The following PGBD2 variants were observed in gnomAD, a reference collection of about 807,000 sequenced individuals.
PGBD2 encodes piggyBac transposable element derived 2.
PGBD2 carries 6 observed loss-of-function variants against 8.1 expected under a neutral mutation model. The observed-to-expected ratio is 0.74, with a 90% CI of 0.40 to 1.46. The LOEUF (loss-of-function observed/expected upper bound fraction) is 1.46. Ranked by LOEUF, PGBD2 falls within the 40% of genes most tolerant of loss-of-function variation. PGBD2 has a pLI of 0.02. For missense variants in PGBD2, 802 were observed against 739.0 expected (o/e 1.09, Z -0.99); for synonymous variants, 318 against 272.2 (o/e 1.17, Z -1.66).
Position 248,917,231 on chromosome 1 carries a change from T to C in PGBD2, c.647T>C (p.Ile216Thr). The C allele has an allele frequency of 6.2e-7, 1 of 1,614,096 alleles. No homozygotes were observed. Among genetic ancestry groups the C allele is most frequent in the Non-Finnish European group, 8.5e-7 (1 of 1,180,006 alleles). Residue 216 changes from isoleucine to threonine, a missense_variant, in exon 3 of 3, where the codon ATT becomes ACT. By Grantham distance (89) the Ile-to-Thr change is moderately conservative. Transcript: ENST00000329291. ...CATCATCATCTTGTGGCTGATGCAATTAGAAGGGACAGATTTGAACTAATC... is the reference window on the plus strand; with the variant it reads ...CATCATCATCTTGTGGCTGATGCAACTAGAAGGGACAGATTTGAACTAATC... ...DSHHHLVADA[I>T]RRDRFELIFS...
chr1:248,907,187 TATGTC>T (rs1661680580), intron 1 of PGBD2, among the ~76,000 whole-genome samples: 1 of 152,302 alleles, frequency 6.6e-6, no homozygotes, highest in East Asian at 1.9e-4. Flanking sequence ...CAAAAGAATT[TATGTC>T]ATAAGTTCAA....
At chr1:248,888,901 T>C in the PGBD2 span, among the ~76,000 whole-genome samples, 2 of 152,206 alleles carry the variant, frequency 1.3e-5, no homozygotes, top group Admixed American at 1.3e-4. Context: ...TAATTCATCT[T>C]ATTTTTTGTA....
upstream of PGBD2, among the ~76,000 whole-genome samples, chr1:248,901,766 T>G (rs147378629): frequency 2.8e-3 from 419 of 152,228 alleles, 4 homozygotes; most frequent in Middle Eastern, 6.8e-3. Context: ...AAAAAGCTTC[T>G]GCACAGCAAA....
At chr1:248,927,865 A>T in the PGBD2 span, among the ~76,000 whole-genome samples, 1 of 152,212 alleles carries the variant, frequency 6.6e-6, no homozygotes, top group Non-Finnish European at 1.5e-5. Context: ...ATAGATAAAG[A>T]AAATACATAG....
chr1:248,896,587 T>C, the PGBD2 span, among the ~76,000 whole-genome samples: 1 of 152,110 alleles, frequency 6.6e-6, no homozygotes, highest in East Asian at 1.9e-4. Context: ...AGCACACCTA[T>C]AGCTCCAGCT....
At chr1:248,908,983 C>T (rs1661766044) in intron 1 of PGBD2, among the ~76,000 whole-genome samples, 1 of 152,196 alleles carries the variant, frequency 6.6e-6, no homozygotes. Context: ...TAAACACCTC[C>T]TTTCCTTCTT....
chr1:248,890,072 CAT>C, the PGBD2 span, among the ~76,000 whole-genome samples: 2 of 151,968 alleles, frequency 1.3e-5, no homozygotes, highest in African/African-American at 4.8e-5. Context: ...GGATTACAGG[CAT>C]GCGCCACCAC....
chr1:248,879,935 T>C, the PGBD2 span, among the ~76,000 whole-genome samples: 2,156 of 152,308 alleles, frequency 0.014, 28 homozygotes, highest in Non-Finnish European at 0.024. Flanking sequence ...CCAAATGCTC[T>C]AACAACTGCA....
intron 2 of PGBD2, 106 bp from the exon 3 acceptor site, chr1:248,916,496 G>A: frequency 1.1e-6 from 1 of 879,930 alleles, no homozygotes; most frequent in Non-Finnish European, 1.8e-6. Context: ...GATCTGTGAA[G>A]CCATTCAAGT....
chr1:248,913,597 A>T (rs980154162), intron 1 of PGBD2, among the ~76,000 whole-genome samples: 1 of 152,218 alleles, frequency 6.6e-6, no homozygotes, highest in African/African-American at 2.4e-5. Flanking sequence ...GGGAAGACTC[A>T]TCTAGCCCCA....
the PGBD2 span, among the ~76,000 whole-genome samples, chr1:248,927,616 C>T: frequency 6.6e-6 from 1 of 152,200 alleles, no homozygotes; most frequent in Admixed American, 6.5e-5. Context: ...TGTCACATTA[C>T]AACTTTACTT....
chr1:248,921,952 G>A (rs113980034), downstream of PGBD2, among the ~76,000 whole-genome samples: 267 of 152,238 alleles, frequency 1.8e-3, 1 homozygote, highest in African/African-American at 6.1e-3. Context: ...TGGTGTATAG[G>A]AATGCTTGTG....
chr1:248,919,719 G>T (rs1327919156), downstream of PGBD2: 1 of 166,330 alleles, frequency 6.0e-6, no homozygotes, highest in Non-Finnish European at 1.5e-5. Flanking sequence ...GTGTTCAAGG[G>T]TTCCCTTTTC....
chr1:248,893,280 C>G, the PGBD2 span, among the ~76,000 whole-genome samples: 1 of 152,162 alleles, frequency 6.6e-6, no homozygotes, highest in Non-Finnish European at 1.5e-5. Flanking sequence ...GTGCACAAAA[C>G]CTTATTGTTA....
the PGBD2 span, among the ~76,000 whole-genome samples, chr1:248,899,796 G>A: frequency 1.4e-5 from 2 of 143,378 alleles, no homozygotes; most frequent in Non-Finnish European, 1.5e-5. Flanking sequence ...GTTTTTTTTG[G>A]GAAAAAAAAA....
the PGBD2 span, among the ~76,000 whole-genome samples, chr1:248,890,284 A>G: frequency 1.3e-5 from 2 of 152,130 alleles, no homozygotes; most frequent in Admixed American, 6.5e-5. Flanking sequence ...CTAGGTCAGA[A>G]GTCCCCACAG....
Position 248,917,337 on chromosome 1 carries a change from G to A in PGBD2, c.753G>A (p.Arg251=). The change falls in exon 3 of 3, where the codon CGG becomes CGA. Residue 251 remains arginine, a synonymous_variant. Transcript: ENST00000329291. The stretch of plus-strand genomic sequence containing the variant: ...CCAAGGTCAGACCTCTCATCATCCG[G>A]ATGAACTGCAATTTCCAGAAGCATG... ...RFAKVRPLII[R]MNCNFQKHAP... is the part of the protein sequence containing the mutation. The A allele has an allele frequency of 1.2e-6, 2 of 1,614,174 alleles. No individual in the cohort carries two copies. Among genetic ancestry groups the A allele is most frequent in the Non-Finnish European group, 1.7e-6 (2 of 1,180,038 alleles).
the PGBD2 span, among the ~76,000 whole-genome samples, chr1:248,890,652 T>C: frequency 6.7e-6 from 1 of 150,252 alleles, no homozygotes; most frequent in Admixed American, 6.6e-5. Flanking sequence ...ACACCACACA[T>C]ACCACACCTC....
chr1:248,893,341 T>C, the PGBD2 span, among the ~76,000 whole-genome samples: 6 of 152,232 alleles, frequency 3.9e-5, 1 homozygote, highest in African/African-American at 1.4e-4. Context: ...GTTATGTAAC[T>C]GTAACTTTAT....
Sources: allele counts gnomAD v4.1 joint callset (sites outside exome capture counted in the v4.1 genomes callset), GRCh38; gene constraint gnomAD v4.1.1; transcripts MANE v1.5; gene names NCBI Gene and HGNC (gene_info 2026-07-23, HGNC 2026-07-21).